Variants in CPZ observed in about 807,000 individuals in gnomAD.
The protein encoded by CPZ is carboxypeptidase Z, also known as VEZT/CPZ fusion.
Under a neutral mutation model 61.8 loss-of-function variants are expected in CPZ, and 103 were observed. The observed-to-expected ratio is 1.67, with a 90% CI of 1.42 to 1.96. The LOEUF is 1.96. Ranked by LOEUF, CPZ falls within the 30% of genes most tolerant of loss-of-function variation. The pLI is 0.00. For missense variants in CPZ, 1,461 were observed against 914.9 expected (o/e 1.60, Z -7.70); for synonymous variants, 551 against 373.7 (o/e 1.47, Z -5.47).
intron 6 of CPZ, 46 bp from the exon 7 acceptor site, chr4:8,607,221 A>C (rs1238926785): frequency 1.3e-6 from 2 of 1,596,694 alleles, no homozygotes; most frequent in South Asian, 2.2e-5. Flanking sequence ...GCTGCGGGCC[A>C]GTGGGAAAGC....
intron 1 of CPZ, among the ~76,000 whole-genome samples, chr4:8,594,053 A>G (rs1006109922): frequency 5.3e-5 from 8 of 152,146 alleles, no homozygotes; most frequent in African/African-American, 1.9e-4. Context: ...CTTTCCCAGG[A>G]AGAAATGCAG....
Position 8,618,245 on chromosome 4 carries a change from G to C in CPZ, c.1504-184G>C, listed in dbSNP as rs112105268. ...GGTCAATTGCCAGGGAGGAAACTGA[G>C]GCCCAGAGAGGGGAGTGACTGACTC... On this transcript the variant is annotated intron_variant, in intron 9 of 10. Transcript: ENST00000360986. 1,290 of 604,192 alleles carry C rather than the reference G, an allele frequency of 2.1e-3. 18 individuals carry two copies. The African/African-American group carries it at 0.022, about 10-fold the overall frequency. The allele number at this position is 604,192 out of a possible 1,614,324, so 37.4% of individuals were successfully genotyped here.
chr4:8,593,687 T>C (rs926110202), intron 1 of CPZ, among the ~76,000 whole-genome samples: 5 of 152,102 alleles, frequency 3.3e-5, no homozygotes, highest in Admixed American at 6.5e-5. Flanking sequence ...GTGCAGGGTG[T>C]CAGGTTCTGA....
Position 8,606,850 on chromosome 4 carries a change from C to T in CPZ, c.1020C>T (p.Gly340=), listed in dbSNP as rs200282318. ...ACTACCGGCTGGCGGAGACCCGCGG[C>T]GCACGCAGCGACCACATCCCCATCC... ...SEYYRLAETR[G]ARSDHIPIPQ... Residue 340 remains glycine, a synonymous_variant, in exon 6 of 11, where the codon GGC becomes GGT. Coordinates refer to ENST00000360986, the MANE Select transcript of CPZ (RefSeq NM_001014447.3). 64 of 1,613,410 alleles carry T rather than the reference C, an allele frequency of 4.0e-5. 1 individual carries two copies. Among genetic ancestry groups the T allele is most frequent in the Admixed American group, 6.7e-5 (4 of 59,998 alleles).
At position 8,619,537 on chromosome 4, in the gene CPZ, G is replaced by A; in HGVS notation, c.1879G>A (p.Ala627Thr). 1.3e-6 allele frequency: 2 copies of A among 1,576,668 alleles called. No homozygotes were observed. The highest frequency in any genetic ancestry group is 1.7e-4 in the Middle Eastern group (1 of 5,788). ...DPLRARRQPS[A>T]DGSKPWWWSY... is the part of the protein sequence containing the mutation. The stretch of plus-strand genomic sequence containing the variant: ...GCTCCGGGCGCGCAGGCAGCCCTCG[G>A]CCGACGGGAGTAAGCCCTGGTGGTG... Residue 627 changes from alanine (A) to threonine (T), a missense_variant, in exon 11 of 11, where the codon GCC becomes ACC. Physicochemically the swap from Ala to Thr is moderately conservative, Grantham distance 58. Coordinates refer to ENST00000360986, the MANE Select transcript of CPZ (RefSeq NM_001014447.3).
In CPZ at chr4:8,607,363, C is replaced by T. The variant is rs776828782; in HGVS notation, c.1165C>T (p.Pro389Ser). The T allele has an allele frequency of 9.9e-6, 16 of 1,613,966 alleles. No individual in the cohort carries two copies. The highest frequency in any genetic ancestry group is 5.1e-6 in the Non-Finnish European group (6 of 1,179,984). The part of the protein sequence containing the change: ...LHGGDLVVSY[P>S]FDFSKHPQEE... ...TGGGGGCGACCTGGTGGTGTCCTAC[C>T]CCTTCGACTTCTCCAAGCACCCCCA... The change falls in exon 7 of 11, where the codon CCC (proline) becomes TCC (serine). Residue 389 changes from proline to serine, a missense_variant. Pro to Ser is a moderately conservative substitution (Grantham distance 74). Transcript: ENST00000360986.
At chr4:8,606,984 C>T (rs1375701502) in intron 6 of CPZ, 86 bp downstream of exon 6, 2 of 1,445,042 alleles carry the variant, frequency 1.4e-6, no homozygotes, top group Non-Finnish European at 1.9e-6. Context: ...TTGTCCTTCC[C>T]TGGGGACAGG....
chr4:8,600,252 C>T (rs982611316), intron 2 of CPZ, among the ~76,000 whole-genome samples: 2 of 152,178 alleles, frequency 1.3e-5, no homozygotes, highest in African/African-American at 2.4e-5. Flanking sequence ...GCTGGAATTA[C>T]AGGCGTTAGC....
rs753825431 is a variant in CPZ, at chr4:8,607,307, C to G, written c.1109C>G (p.Thr370Ser). 6.8e-6 allele frequency: 11 copies of G among 1,614,124 alleles called. No homozygotes were observed. Among genetic ancestry groups the G allele is most frequent in the East Asian group, 2.2e-5 (1 of 44,878 alleles). The change falls in exon 7 of 11, where the codon ACC becomes AGC. Residue 370 changes from threonine to serine, a missense_variant. Thr to Ser is a moderately conservative substitution (Grantham distance 58, BLOSUM62 1). Coordinates refer to ENST00000360986, the MANE Select transcript of CPZ (RefSeq NM_001014447.3). The part of the protein sequence containing the change: ...ETKAIMKWMQ[T>S]IPFVLSASLH... Reference sequence around the variant, plus strand: ...AAGGCAATCATGAAGTGGATGCAGACCATACCCTTTGTGCTCTCAGCCAGC... The same window carrying G: ...AAGGCAATCATGAAGTGGATGCAGAGCATACCCTTTGTGCTCTCAGCCAGC...
chr4:8,616,144 C>G (rs1039941971), intron 9 of CPZ, among the ~76,000 whole-genome samples: 1 of 152,230 alleles, frequency 6.6e-6, no homozygotes, highest in Non-Finnish European at 1.5e-5. Context: ...AGCTCGCTGG[C>G]TGGCTCTTGA....
rs756367771 is a variant in CPZ, at chr4:8,601,357, G to A, written c.356G>A (p.Arg119Gln). 26 of 1,603,484 alleles carry A rather than the reference G, an allele frequency of 1.6e-5. No homozygotes were observed. The African/African-American group carries it at 2.8e-4, about 17-fold the overall frequency. ...CEGGWVRRPC[R>Q]HICEGLREVC... is the part of the protein sequence containing the mutation. ...GGCGGCTGGGTGCGCAGACCCTGCC[G>A]GCACATCTGCGAGGGCCTGCGGGAG... The change falls in exon 3 of 11, where the codon CGG (arginine) becomes CAG (glutamine). Residue 119 changes from arginine (R) to glutamine (Q), a missense_variant. Coordinates refer to ENST00000360986, the MANE Select transcript of CPZ (RefSeq NM_001014447.3).
intron 8 of CPZ, 89 bp from the exon 9 acceptor site, chr4:8,614,270 G>A (rs551901172): frequency 1.5e-5 from 22 of 1,462,824 alleles, no homozygotes; most frequent in Admixed American, 4.0e-5. Context: ...CCGGCGTCCC[G>A]GCTGTCTCTG....
intron 7 of CPZ, among the ~76,000 whole-genome samples, chr4:8,610,382 A>G (rs1045469394): frequency 6.6e-6 from 1 of 152,108 alleles, no homozygotes; most frequent in African/African-American, 2.4e-5. Context: ...GCCACCTTCC[A>G]TGCCTTAGCC....
intron 1 of CPZ, among the ~76,000 whole-genome samples, 172 bp downstream of exon 1, chr4:8,593,093 C>T (rs934508308): frequency 5.3e-5 from 8 of 152,134 alleles, no homozygotes; most frequent in African/African-American, 1.7e-4. Context: ...GGTAGTGTGA[C>T]CTCTCCCCTG....
At chr4:8,613,572 G>A (rs565713569) in intron 8 of CPZ, among the ~76,000 whole-genome samples, 3 of 152,230 alleles carry the variant, frequency 2.0e-5, no homozygotes, top group Non-Finnish European at 4.4e-5. Flanking sequence ...TGCGGCTCAG[G>A]AGCCTTGAAC....
chr4:8,592,931 T>C lies in CPZ; in HGVS notation c.88+10T>C, dbSNP rs780666000. The C allele has an allele frequency of 6.5e-7, 1 of 1,530,288 alleles. No individual in the cohort carries two copies. Among genetic ancestry groups the C allele is most frequent in the Non-Finnish European group, 8.8e-7 (1 of 1,140,354 alleles). 94.8% of individuals were successfully genotyped at this position (1,530,288 alleles called of 1,614,324 possible). The stretch of plus-strand genomic sequence containing the variant: ...GAGCGGAACCCCGCCGGTAAGGCCG[T>C]CCCCTGCCCCCACCCTCCACCCTCC... On this transcript the variant is annotated intron_variant, in intron 1 of 10. Coordinates refer to ENST00000360986, the MANE Select transcript of CPZ (RefSeq NM_001014447.3).
At chr4:8,614,275 T>C in intron 8 of CPZ, 84 bp from the exon 9 acceptor site, 1 of 1,478,638 alleles carries the variant, frequency 6.8e-7, no homozygotes, top group Non-Finnish European at 9.1e-7. Flanking sequence ...GTCCCGGCTG[T>C]CTCTGTGCGG....
intron 2 of CPZ, 23 bp from the exon 3 acceptor site, chr4:8,601,100 A>C (rs757016306): frequency 2.3e-5 from 36 of 1,551,066 alleles, no homozygotes; most frequent in Non-Finnish European, 3.1e-5. Context: ...GGAGGGACTG[A>C]CCTGCCGACC....
chr4:8,617,823 A>C (rs896019527), intron 9 of CPZ, among the ~76,000 whole-genome samples: 2 of 152,156 alleles, frequency 1.3e-5, no homozygotes, highest in Non-Finnish European at 2.9e-5. Context: ...TTTTACAAGA[A>C]ATGTGGACAG....
Sources: gnomAD v4.1 joint callset for allele counts (sites outside exome capture counted in the v4.1 genomes callset) on GRCh38, gnomAD v4.1.1 for gene constraint, MANE v1.5 for transcripts, NCBI Gene and HGNC (gene_info 2026-07-23, HGNC 2026-07-21) for gene names.